Variants in LRRC37A2 observed in about 807,000 individuals in gnomAD.
LRRC37A2 encodes the protein leucine-rich repeat-containing protein 37A2.
A neutral mutation model predicts 68.8 loss-of-function variants in LRRC37A2; 9 were observed. The observed-to-expected ratio is 0.13, with a 90% confidence interval of 0.08 to 0.23. LRRC37A2 has a LOEUF of 0.23. LRRC37A2 is among the 10% of genes least tolerant of loss of function. The pLI is 1.00. For missense variants in LRRC37A2, 168 were observed against 950.4 expected, an observed-to-expected ratio of 0.18 and a Z score of 10.82; for synonymous variants, 63 against 367.6, an observed-to-expected ratio of 0.17 and a Z score of 9.48.
At chr17:46,711,724 A>T in the LRRC37A2 span, among the ~76,000 whole-genome samples, 9 of 152,354 alleles carry the variant, frequency 5.9e-5, no homozygotes, top group East Asian at 1.2e-3. Context: ...AGAAAAGTTC[A>T]GTGAGGCCCC....
At chr17:46,993,710 G>A in the LRRC37A2 span, among the ~76,000 whole-genome samples, 9 of 152,322 alleles carry the variant, frequency 5.9e-5, no homozygotes, top group African/African-American at 1.7e-4. Context: ...TTCCATCTGC[G>A]TAGAGAAAGT....
chr17:46,787,493 C>A, the LRRC37A2 span, among the ~76,000 whole-genome samples: 6 of 152,212 alleles, frequency 3.9e-5, no homozygotes, highest in African/African-American at 1.4e-4. Flanking sequence ...CCCTGCTGTT[C>A]CTCCACTGGT....
the LRRC37A2 span, chr17:46,831,402 A>G: frequency 6.6e-6 from 1 of 152,282 alleles, no homozygotes; most frequent in Non-Finnish European, 1.5e-5. Flanking sequence ...AGTGGGTTGG[A>G]TGACAGAGGA....
chr17:46,751,457 G>A, the LRRC37A2 span: 1 of 1,310,414 alleles, frequency 7.6e-7, no homozygotes, highest in Non-Finnish European at 1.1e-6. Flanking sequence ...CAATGTTGAT[G>A]TGTTCACTGT....
chr17:46,649,437 A>C, the LRRC37A2 span, among the ~76,000 whole-genome samples: 1 of 152,068 alleles, frequency 6.6e-6, no homozygotes, highest in Non-Finnish European at 1.5e-5. Context: ...GAGGGAGAGC[A>C]GAGCTTCTGA....
the LRRC37A2 span, among the ~76,000 whole-genome samples, chr17:46,760,157 G>A: frequency 6.6e-6 from 1 of 152,168 alleles, no homozygotes; most frequent in Non-Finnish European, 1.5e-5. Flanking sequence ...CTAGTTACTT[G>A]GGAGGCTGAG....
At chr17:47,004,192 C>T in the LRRC37A2 span, among the ~76,000 whole-genome samples, 72,847 of 151,998 alleles carry the variant, frequency 0.48, 17,660 homozygotes, top group Non-Finnish European at 0.52. Context: ...CATGTGCATG[C>T]GCCTTTATAG....
the LRRC37A2 span, among the ~76,000 whole-genome samples, chr17:46,738,435 GA>G: frequency 2.0e-5 from 3 of 151,930 alleles, no homozygotes; most frequent in East Asian, 5.8e-4. Flanking sequence ...TTTTTAAGAG[GA>G]AAAAAATTGC....
the LRRC37A2 span, among the ~76,000 whole-genome samples, chr17:46,699,402 G>GACACACACACACAC: frequency 2.0e-5 from 3 of 148,210 alleles, no homozygotes; most frequent in African/African-American, 7.4e-5. Flanking sequence ...ATAAACTGAG[G>GACACACACACACAC]ACACACACAC....
the LRRC37A2 span, among the ~76,000 whole-genome samples, chr17:46,891,918 C>CTTT: frequency 2.1e-4 from 15 of 71,808 alleles, no homozygotes; most frequent in South Asian, 4.7e-4. Flanking sequence ...CTTTTCTTTT[C>CTTT]TTTTTTTTTT....
At chr17:46,983,409 C>T in the LRRC37A2 span, among the ~76,000 whole-genome samples, 19 of 150,872 alleles carry the variant, frequency 1.3e-4, no homozygotes, top group African/African-American at 4.1e-4. Flanking sequence ...TGAGGCCTGC[C>T]TCAGCCTCCC....
At chr17:46,878,358 C>T in the LRRC37A2 span, among the ~76,000 whole-genome samples, 1 of 152,204 alleles carries the variant, frequency 6.6e-6, no homozygotes, top group East Asian at 1.9e-4. Flanking sequence ...GCTGACTGTG[C>T]CCTGGCCAAC....
chr17:46,497,621 T>C, the LRRC37A2 span, among the ~76,000 whole-genome samples: 3 of 150,758 alleles, frequency 2.0e-5, no homozygotes, highest in Non-Finnish European at 4.4e-5. Flanking sequence ...TGTGTATATA[T>C]CTATATACAC....
chr17:47,027,568 G>T, the LRRC37A2 span: 1 of 1,345,648 alleles, frequency 7.4e-7, no homozygotes, highest in East Asian at 2.3e-5. Context: ...GATTTATCCT[G>T]CAATAAAATA....
At chr17:46,835,336 C>T in the LRRC37A2 span, among the ~76,000 whole-genome samples, 7 of 152,050 alleles carry the variant, frequency 4.6e-5, no homozygotes, top group South Asian at 2.1e-4. Flanking sequence ...CTCAGCCTCC[C>T]GAGTAGCTGG....
At chr17:46,532,709 T>C (rs2053870661) in intron 6 of LRRC37A2, among the ~76,000 whole-genome samples, 2 of 145,922 alleles carry the variant, frequency 1.4e-5, no homozygotes, top group African/African-American at 5.4e-5. Flanking sequence ...TAGCATATAT[T>C]GTTTATATGT....
the LRRC37A2 span, among the ~76,000 whole-genome samples, chr17:46,965,761 T>C: frequency 6.6e-6 from 1 of 151,794 alleles, no homozygotes; most frequent in Non-Finnish European, 1.5e-5. Context: ...TAAATGGGAC[T>C]ACCGGCACAC....
At chr17:46,837,576 C>T in the LRRC37A2 span, among the ~76,000 whole-genome samples, 1 of 152,176 alleles carries the variant, frequency 6.6e-6, no homozygotes, top group Non-Finnish European at 1.5e-5. Context: ...GCTGTGTGAC[C>T]TGTCCGAGGT....
At chr17:46,934,197 A>ACTTCCAGCTGTGTGATCACTGGACATG in the LRRC37A2 span, among the ~76,000 whole-genome samples, 8,067 of 152,146 alleles carry the variant, frequency 0.053, 488 homozygotes, top group African/African-American at 0.15. Flanking sequence ...CACTGGACAC[A>ACTTCCAGCTGTGTGATCACTGGACATG]CTTCCAGCTG....
Sources: gnomAD v4.1 joint callset for allele counts (sites outside exome capture counted in the v4.1 genomes callset) on GRCh38, gnomAD v4.1.1 for gene constraint, MANE v1.5 for transcripts, NCBI Gene and HGNC (gene_info 2026-07-23, HGNC 2026-07-21) for gene names.